SOX6: variants seen among roughly 807,000 people sequenced by gnomAD.
SOX6 encodes SRY-box transcription factor 6, also known as transcription factor SOX-6.
Under a neutral mutation model 97.8 loss-of-function variants are expected in SOX6, and 11 were observed. That is an observed-to-expected ratio of 0.11 (90% CI 0.07 to 0.19). The LOEUF is 0.19. Ranked by LOEUF, SOX6 falls within the 10% of genes least tolerant of loss-of-function variation. SOX6 has a pLI of 1.00. For missense variants in SOX6, 810 were observed against 1,039.5 expected (o/e 0.78, Z 3.04); for synonymous variants, 360 against 371.4 (o/e 0.97, Z 0.35).
At chr11:16,595,668 A>G (rs1371701730) in intron 4 of SOX6, among the ~76,000 whole-genome samples, 1 of 151,716 alleles carries the variant, frequency 6.6e-6, no homozygotes, top group Admixed American at 6.6e-5. Context: ...GCAGCTACTC[A>G]GGAGGCTGAG....
At chr11:16,329,145 G>T (rs1195491734) in intron 2 of SOX6, among the ~76,000 whole-genome samples, 1 of 151,902 alleles carries the variant, frequency 6.6e-6, no homozygotes, top group African/African-American at 2.4e-5. Flanking sequence ...AAATAGATTT[G>T]TTACCAATAT....
intron 4 of SOX6, among the ~76,000 whole-genome samples, chr11:16,219,389 T>C (rs1352161561): frequency 1.3e-5 from 2 of 152,090 alleles, no homozygotes; most frequent in African/African-American, 4.8e-5. Context: ...CATTCTAATT[T>C]TATCTTGGTT....
At chr11:16,272,047 C>G (rs1332433392) in intron 3 of SOX6, among the ~76,000 whole-genome samples, 1 of 151,330 alleles carries the variant, frequency 6.6e-6, no homozygotes, top group African/African-American at 2.4e-5. Flanking sequence ...GTGTTTTCTT[C>G]ATAATTATTT....
intron 3 of SOX6, among the ~76,000 whole-genome samples, chr11:16,302,778 C>T (rs1392420112): frequency 6.6e-6 from 1 of 151,860 alleles, no homozygotes; most frequent in Admixed American, 6.6e-5. Flanking sequence ...CCATTTTGGC[C>T]AGGCTGATCT....
chr11:16,146,028 G>T (rs796099367), intron 6 of SOX6, among the ~76,000 whole-genome samples: 21 of 152,210 alleles, frequency 1.4e-4, no homozygotes, highest in South Asian at 2.1e-4. Flanking sequence ...AACCAAAAAA[G>T]AGCCCACATT....
intron 13 of SOX6, among the ~76,000 whole-genome samples, chr11:16,008,695 A>G (rs915473781): frequency 1.3e-5 from 2 of 152,142 alleles, no homozygotes; most frequent in Admixed American, 1.3e-4. Context: ...CTTTTAAGAC[A>G]CAGCAAATAT....
At chr11:16,257,277 G>A (rs1853722735) in intron 3 of SOX6, among the ~76,000 whole-genome samples, 1 of 151,768 alleles carries the variant, frequency 6.6e-6, no homozygotes, top group Admixed American at 6.6e-5. Flanking sequence ...GAACAGCAAA[G>A]TCAGAAAACT....
At chr11:16,271,332 T>C (rs1280607254) in intron 3 of SOX6, among the ~76,000 whole-genome samples, 4 of 151,432 alleles carry the variant, frequency 2.6e-5, no homozygotes, top group Non-Finnish European at 5.9e-5. Context: ...AATTTACTTT[T>C]ATGGTACTGT....
chr11:16,734,587 G>A (rs985373810), intron 2 of SOX6, among the ~76,000 whole-genome samples: 3 of 152,098 alleles, frequency 2.0e-5, no homozygotes, highest in African/African-American at 7.2e-5. Flanking sequence ...ACCACCTCTA[G>A]ATGGGTGATT....
chr11:16,303,261 T>A (rs1740520067), intron 3 of SOX6, among the ~76,000 whole-genome samples: 1 of 152,158 alleles, frequency 6.6e-6, no homozygotes, highest in South Asian at 2.1e-4. Flanking sequence ...ATCAACAGTA[T>A]TTTAGGTTAA....
intron 4 of SOX6, among the ~76,000 whole-genome samples, chr11:16,545,953 T>TTAAA (rs982862092): frequency 5.3e-5 from 8 of 151,928 alleles, no homozygotes; most frequent in Non-Finnish European, 8.8e-5. Flanking sequence ...CTTTGTCTAT[T>TTAAA]TAAATAAATA....
chr11:16,436,091 G>A (rs746587351), intron 1 of SOX6, among the ~76,000 whole-genome samples: 1 of 152,014 alleles, frequency 6.6e-6, no homozygotes, highest in South Asian at 2.1e-4. Context: ...ATTCTCAACA[G>A]AATTTGATAC....
chr11:16,039,917 G>A (rs1219671215), intron 12 of SOX6, among the ~76,000 whole-genome samples: 1 of 151,802 alleles, frequency 6.6e-6, no homozygotes, highest in Non-Finnish European at 1.5e-5. Context: ...GAGAACAGCT[G>A]GTCTGGAAGG....
At chr11:16,274,132 C>T (rs999138216) in intron 3 of SOX6, among the ~76,000 whole-genome samples, 3 of 151,886 alleles carry the variant, frequency 2.0e-5, no homozygotes, top group African/African-American at 7.3e-5. Context: ...AATGAGAAAG[C>T]CTCTTAATTT....
Position 16,717,643 on chromosome 11 carries a change from G to A in SOX6, n.354-2738C>T, listed in dbSNP as rs193220985. Among the ~76,000 whole-genome samples the A allele has an allele frequency of 5.3e-4, 80 of 152,134 alleles. 1 individual carries two copies. In the East Asian group the frequency reaches 8.9e-3, roughly 17 times the overall value. On this transcript the variant is annotated intron_variant and non_coding_transcript_variant, in intron 2 of 5. Coordinates refer to the SOX6 transcript ENST00000524520. ...TATAGAACATTTGTATTCAATTACC[G>A]TATTAAAAACAGAACAGTCTCAATA...
intron 6 of SOX6, among the ~76,000 whole-genome samples, chr11:16,121,184 C>T (rs1849481619): frequency 6.6e-6 from 1 of 151,952 alleles, no homozygotes; most frequent in Admixed American, 6.6e-5. Flanking sequence ...ATTTCTTATT[C>T]ATTTGTACAT....
intron 9 of SOX6, among the ~76,000 whole-genome samples, chr11:16,080,738 A>C (rs1469420331): frequency 2.0e-5 from 3 of 152,170 alleles, no homozygotes; most frequent in Non-Finnish European, 4.4e-5. Context: ...AACATAATAT[A>C]ATAAATGGTA....
chr11:16,249,208 G>GT (rs1565046720), intron 3 of SOX6, among the ~76,000 whole-genome samples: 1 of 151,752 alleles, frequency 6.6e-6, no homozygotes, highest in African/African-American at 2.4e-5. Flanking sequence ...CTATCACATC[G>GT]TTAGGCTGCA....
At chr11:16,721,896 C>A (rs1195910092) in intron 2 of SOX6, among the ~76,000 whole-genome samples, 1 of 151,766 alleles carries the variant, frequency 6.6e-6, no homozygotes, top group Non-Finnish European at 1.5e-5. Flanking sequence ...ACATCTACAA[C>A]CATCTGACCT....
Sources: gnomAD v4.1 joint callset for allele counts (sites outside exome capture counted in the v4.1 genomes callset) on GRCh38, gnomAD v4.1.1 for gene constraint, MANE v1.5 for transcripts, NCBI Gene and HGNC (gene_info 2026-07-23, HGNC 2026-07-21) for gene names.